EPHA6: variants seen among roughly 807,000 people sequenced by gnomAD.
EPHA6 encodes the protein EPH receptor A6, also known as ephrin type-A receptor 6.
EPHA6 carries 50 observed loss-of-function variants against 112.0 expected under a neutral mutation model. The observed-to-expected ratio is 0.45, with a 90% CI of 0.36 to 0.56. The LOEUF is 0.56. Ranked by LOEUF, EPHA6 falls within the 20% of genes least tolerant of loss-of-function variation. The pLI is 0.00. For missense variants in EPHA6, 1,280 were observed against 1,417.4 expected (o/e 0.90, Z 1.56); for synonymous variants, 529 against 490.7 (o/e 1.08, Z -1.03).
At chr3:97,743,608 A>C (rs1003054193) in intron 16 of EPHA6, among the ~76,000 whole-genome samples, 4 of 152,128 alleles carry the variant, frequency 2.6e-5, no homozygotes, top group Non-Finnish European at 5.9e-5. Flanking sequence ...TACATTCATG[A>C]ATATGTGAAA....
chr3:97,549,426 T>A (rs1212510414), intron 11 of EPHA6, among the ~76,000 whole-genome samples: 1 of 152,172 alleles, frequency 6.6e-6, no homozygotes, highest in Non-Finnish European at 1.5e-5. Context: ...GTCAGGCATG[T>A]CCCATTCCAC....
chr3:96,882,529 A>T (rs1469062862), intron 2 of EPHA6, among the ~76,000 whole-genome samples: 1 of 152,020 alleles, frequency 6.6e-6, no homozygotes, highest in Admixed American at 6.6e-5. Context: ...CATTCCCCCC[A>T]AGTCCCCAAA....
chr3:97,337,300 T>C (rs1057081496), intron 5 of EPHA6, among the ~76,000 whole-genome samples: 1 of 152,152 alleles, frequency 6.6e-6, no homozygotes, highest in Admixed American at 6.6e-5. Flanking sequence ...TTTCAAATAG[T>C]AAATTACATA....
At chr3:97,308,362 A>C (rs2081408834) in intron 5 of EPHA6, among the ~76,000 whole-genome samples, 1 of 151,740 alleles carries the variant, frequency 6.6e-6, no homozygotes. Context: ...TGGAGTACTC[A>C]ACATAGCAAG....
intron 10 of EPHA6, among the ~76,000 whole-genome samples, chr3:97,498,895 A>T (rs1383797653): frequency 6.6e-6 from 1 of 152,218 alleles, no homozygotes; most frequent in Non-Finnish European, 1.5e-5. Flanking sequence ...CCATGAAACC[A>T]GTTGCTCATG....
chr3:97,746,954 A>G (rs2035740700), intron 16 of EPHA6, among the ~76,000 whole-genome samples: 1 of 152,018 alleles, frequency 6.6e-6, no homozygotes, highest in East Asian at 1.9e-4. Context: ...GAGAAGAACT[A>G]TCACAGCAAA....
intron 14 of EPHA6, among the ~76,000 whole-genome samples, chr3:97,714,286 C>T (rs573252147): frequency 1.3e-5 from 2 of 152,316 alleles, no homozygotes; most frequent in African/African-American, 4.8e-5. Flanking sequence ...TGTGTACCAT[C>T]TCATTTAATC....
At chr3:97,585,782 TG>T (rs2093482175) in intron 11 of EPHA6, among the ~76,000 whole-genome samples, 1 of 151,096 alleles carries the variant, frequency 6.6e-6, no homozygotes, top group African/African-American at 2.5e-5. Flanking sequence ...ATTGCATCTT[TG>T]GATTAGTTTA....
chr3:97,067,431 A>G (rs1453640740), intron 3 of EPHA6, among the ~76,000 whole-genome samples: 1 of 152,086 alleles, frequency 6.6e-6, no homozygotes, highest in Non-Finnish European at 1.5e-5. Flanking sequence ...ATTGTAATTG[A>G]AACGTGAAAG....
intron 1 of EPHA6, among the ~76,000 whole-genome samples, chr3:96,851,602 G>A (rs115442663): frequency 0.01 from 1,582 of 152,214 alleles, 26 homozygotes; most frequent in African/African-American, 0.036. Flanking sequence ...ATTGTGGAAT[G>A]TGCATTAGTT....
At chr3:97,436,613 C>T (rs2089851527) in intron 6 of EPHA6, among the ~76,000 whole-genome samples, 1 of 152,138 alleles carries the variant, frequency 6.6e-6, no homozygotes, top group African/African-American at 2.4e-5. Context: ...TGTGACTTTA[C>T]ATATATTCAC....
chr3:97,091,266 T>TATGCC (rs1353582349), intron 3 of EPHA6, among the ~76,000 whole-genome samples: 1 of 152,168 alleles, frequency 6.6e-6, no homozygotes. Flanking sequence ...TGCCATTTTC[T>TATGCC]ATGCCATTAG....
intron 14 of EPHA6, among the ~76,000 whole-genome samples, chr3:97,704,743 T>G: frequency 6.6e-6 from 1 of 152,182 alleles, no homozygotes; most frequent in East Asian, 1.9e-4. Context: ...AATTTTTACA[T>G]GACTAACTTT....
At chr3:97,570,642 T>C (rs1352451698) in intron 11 of EPHA6, among the ~76,000 whole-genome samples, 2 of 151,824 alleles carry the variant, frequency 1.3e-5, no homozygotes, top group Non-Finnish European at 2.9e-5. Context: ...AGGCAGATAA[T>C]TGCTTGAACC....
chr3:97,465,809 A>G (rs1021981842), intron 7 of EPHA6, among the ~76,000 whole-genome samples: 5 of 152,068 alleles, frequency 3.3e-5, no homozygotes, highest in African/African-American at 1.2e-4. Context: ...TCATGTTACC[A>G]TAAACTGTGA....
chr3:97,245,522 T>A (rs1209295901), intron 5 of EPHA6, among the ~76,000 whole-genome samples: 2 of 152,004 alleles, frequency 1.3e-5, no homozygotes, highest in Admixed American at 6.6e-5. Context: ...AATGGCAGCA[T>A]ATTTAAAATA....
chr3:97,568,368 T>C (rs1577807578), intron 11 of EPHA6, among the ~76,000 whole-genome samples: 1 of 152,288 alleles, frequency 6.6e-6, no homozygotes, highest in East Asian at 1.9e-4. Context: ...GCAGAACAGA[T>C]AACATGACAC....
intron 6 of EPHA6, among the ~76,000 whole-genome samples, chr3:97,427,789 G>A (rs2089247813): frequency 6.6e-6 from 1 of 151,564 alleles, no homozygotes; most frequent in African/African-American, 2.4e-5. Flanking sequence ...GGAACTCAAG[G>A]GCATTATCCT....
chr3:97,003,447 G>A lies in EPHA6; in HGVS notation c.1114+15454G>A, dbSNP rs376711294. 1.1e-4 allele frequency among the ~76,000 whole-genome samples: 16 copies of A among 152,158 alleles called. No individual in the cohort carries two copies. The East Asian group carries it at 1.7e-3, about 17-fold the overall frequency. ...CACAATTAAATGTGAGTTGAATGTT[G>A]GAAATTAGCAGCCATCGTACCTTAG... On this transcript the variant is annotated intron_variant, in intron 3 of 17. Transcript: ENST00000389672.
Sources: gnomAD v4.1 joint callset for allele counts (sites outside exome capture counted in the v4.1 genomes callset) on GRCh38, gnomAD v4.1.1 for gene constraint, MANE v1.5 for transcripts, NCBI Gene and HGNC (gene_info 2026-07-23, HGNC 2026-07-21) for gene names.